Variants in SPOCK3 observed in about 807,000 individuals in gnomAD.
The protein encoded by SPOCK3 is SPARC (osteonectin), cwcv and kazal like domains proteoglycan 3.
SPOCK3 carries 30 observed loss-of-function variants against 56.6 expected under a neutral mutation model. The ratio of observed to expected loss-of-function variants is 0.53; its 90% CI spans 0.40 to 0.72. The LOEUF (loss-of-function observed/expected upper bound fraction) is 0.72. SPOCK3 is among the 30% of genes least tolerant of loss of function. The pLI is 0.00. For missense variants in SPOCK3, 527 were observed against 530.0 expected (o/e 0.99, Z 0.06); for synonymous variants, 196 against 183.3 (o/e 1.07, Z -0.56).
chr4:167,169,144 C>T (rs1003366681), intron 2 of SPOCK3, among the ~76,000 whole-genome samples: 9 of 152,182 alleles, frequency 5.9e-5, no homozygotes, highest in African/African-American at 1.9e-4. Context: ...TGAACCTCTA[C>T]TAGGGCAGTG....
intron 4 of SPOCK3, among the ~76,000 whole-genome samples, chr4:166,976,703 C>T (rs976762756): frequency 1.3e-5 from 2 of 152,052 alleles, no homozygotes; most frequent in African/African-American, 4.8e-5. Flanking sequence ...GTACCTCTAG[C>T]ATAAAGAAAA....
intron 2 of SPOCK3, among the ~76,000 whole-genome samples, chr4:167,064,139 A>G (rs1338550492): frequency 2.0e-5 from 3 of 151,890 alleles, no homozygotes; most frequent in Admixed American, 1.3e-4. Context: ...ATTAAGTTTC[A>G]GAAGTTTTTT....
chr4:167,084,334 A>G (rs995942717), intron 2 of SPOCK3, among the ~76,000 whole-genome samples: 2 of 151,718 alleles, frequency 1.3e-5, no homozygotes, highest in African/African-American at 2.4e-5. Flanking sequence ...ACTATTGCAT[A>G]TTTTTTCTTT....
chr4:166,956,900 A>G (rs928806283), intron 4 of SPOCK3, among the ~76,000 whole-genome samples: 2 of 152,068 alleles, frequency 1.3e-5, no homozygotes, highest in East Asian at 3.9e-4. Context: ...CGCTTACTTC[A>G]TCATACACAG....
intron 4 of SPOCK3, among the ~76,000 whole-genome samples, chr4:166,990,371 C>A (rs1747643371): frequency 6.7e-6 from 1 of 148,898 alleles, no homozygotes; most frequent in Non-Finnish European, 1.5e-5. Context: ...GCACATGTAC[C>A]CTAAAACTTA....
At chr4:166,766,572 C>T (rs535182794) in intron 7 of SPOCK3, among the ~76,000 whole-genome samples, 92 of 152,254 alleles carry the variant, frequency 6.0e-4, no homozygotes, top group African/African-American at 2.1e-3. Flanking sequence ...TTTTGATGTG[C>T]TGCTGGATTC....
intron 4 of SPOCK3, among the ~76,000 whole-genome samples, chr4:166,947,705 CTTTTA>C (rs1741949430): frequency 6.6e-6 from 1 of 152,012 alleles, no homozygotes; most frequent in Admixed American, 6.6e-5. Flanking sequence ...TGTGTTACTT[CTTTTA>C]TTTCTTTTAC....
chr4:167,173,838 G>C (rs922514516), intron 2 of SPOCK3, among the ~76,000 whole-genome samples: 1 of 152,092 alleles, frequency 6.6e-6, no homozygotes, highest in African/African-American at 2.4e-5. Flanking sequence ...AGCCTTATGT[G>C]GTCATTGCTG....
At position 166,815,985 on chromosome 4, in the gene SPOCK3, A is replaced by G. The variant is rs144770584; in HGVS notation, c.590-23696T>C. Among the ~76,000 whole-genome samples the G allele has an allele frequency of 1.7e-3, 257 of 152,214 alleles. 1 individual carries two copies. Among genetic ancestry groups the G allele is most frequent in the African/African-American group, 5.5e-3 (230 of 41,556 alleles). ...CTTTGCAACTCACATTGTTCTTGCT[A>G]CTATGCTACTGCATTCTTATAGTTA... On this transcript the variant is annotated intron_variant, in intron 6 of 10. Transcript: ENST00000357545.
At chr4:167,222,144 T>C (rs1735982589) in intron 2 of SPOCK3, among the ~76,000 whole-genome samples, 1 of 152,080 alleles carries the variant, frequency 6.6e-6, no homozygotes, top group Non-Finnish European at 1.5e-5. Context: ...GGAAACCCTG[T>C]CACATGCCAC....
intron 4 of SPOCK3, among the ~76,000 whole-genome samples, chr4:166,914,391 C>A: frequency 6.6e-6 from 1 of 151,776 alleles, no homozygotes; most frequent in East Asian, 1.9e-4. Flanking sequence ...TAATAAATTT[C>A]TCTTATAAAT....
intron 4 of SPOCK3, among the ~76,000 whole-genome samples, chr4:166,938,324 G>C (rs895439927): frequency 6.6e-6 from 1 of 152,164 alleles, no homozygotes; most frequent in African/African-American, 2.4e-5. Context: ...CATTGATTAT[G>C]TGCAAGAATG....
At chr4:167,054,020 C>T (rs182763679) in intron 3 of SPOCK3, among the ~76,000 whole-genome samples, 15 of 152,262 alleles carry the variant, frequency 9.9e-5, no homozygotes, top group East Asian at 9.7e-4. Context: ...CAAGTAGGGA[C>T]GCTCCAAGTT....
In SPOCK3 at chr4:166,920,324, C is replaced by T. The variant is rs557313915; in HGVS notation, c.351-7581G>A. ...ACAAGGTGGTGTCTGGAGAGTATAC[C>T]TCCTGGCTAATGAAATCTGAAATTT... On this transcript the variant is annotated intron_variant, in intron 4 of 10. Transcript: ENST00000357545. Among the ~76,000 whole-genome samples, 4 of 152,144 alleles carry T rather than the reference C, an allele frequency of 2.6e-5. No individual in the cohort carries two copies. The South Asian group carries it at 8.3e-4, about 32-fold the overall frequency.
chr4:166,955,484 T>C (rs929267249), intron 4 of SPOCK3, among the ~76,000 whole-genome samples: 2 of 146,256 alleles, frequency 1.4e-5, no homozygotes, highest in African/African-American at 5.0e-5. Flanking sequence ...TATTTAATTA[T>C]ATTATATTAT....
rs140020643 is a variant in SPOCK3 at position 166,990,306 on chromosome 4, C to T, written c.350+10043G>A. Among the ~76,000 whole-genome samples, 78 of 151,958 alleles carry T rather than the reference C, an allele frequency of 5.1e-4. 1 individual carries two copies. In the East Asian group the frequency reaches 0.013, roughly 25 times the overall value. The stretch of plus-strand genomic sequence containing the variant: ...GCTCCATATTTTGACATTAGATAGG[C>T]CCAACAGTAAAAATGTTCTTACATG... On this transcript the variant is annotated intron_variant, in intron 4 of 10. Transcript: ENST00000357545.
At chr4:167,061,102 G>T (rs1755559621) in intron 3 of SPOCK3, among the ~76,000 whole-genome samples, 1 of 151,832 alleles carries the variant, frequency 6.6e-6, no homozygotes, top group Admixed American at 6.6e-5. Flanking sequence ...CTCTCAAATA[G>T]CATTCTTTTT....
intron 2 of SPOCK3, among the ~76,000 whole-genome samples, chr4:167,176,491 C>T (rs561689455): frequency 6.6e-6 from 1 of 152,192 alleles, no homozygotes; most frequent in African/African-American, 2.4e-5. Flanking sequence ...GTATGTTTTT[C>T]TAATGAATTG....
chr4:167,226,764 T>C (rs771262471), intron 2 of SPOCK3, among the ~76,000 whole-genome samples: 3 of 151,966 alleles, frequency 2.0e-5, no homozygotes, highest in Non-Finnish European at 4.4e-5. Context: ...TCCTGTTAGA[T>C]AGGAAATGGC....
Sources: allele counts gnomAD v4.1 joint callset (sites outside exome capture counted in the v4.1 genomes callset), GRCh38; gene constraint gnomAD v4.1.1; transcripts MANE v1.5; gene names NCBI Gene and HGNC (gene_info 2026-07-23, HGNC 2026-07-21).